RANBP17: variants seen among roughly 807,000 people sequenced by gnomAD.
RANBP17 encodes the protein RAN binding protein 17.
RANBP17 carries 158 observed loss-of-function variants against 141.2 expected under a neutral mutation model. That is an observed-to-expected ratio of 1.12 (90% confidence interval 0.98 to 1.28). The LOEUF (loss-of-function observed/expected upper bound fraction) is 1.28, where lower values mean the gene tolerates loss of function less well. RANBP17 is among the 50% of genes most tolerant of loss of function. RANBP17 has a pLI of 0.00. For synonymous variants in RANBP17, 430 were observed against 450.0 expected (o/e 0.96, Z 0.56); for missense variants, 1,438 against 1,290.7 (o/e 1.11, Z -1.75).
chr5:170,867,977 A>G (rs1417101088), intron 1 of RANBP17, among the ~76,000 whole-genome samples: 1 of 152,134 alleles, frequency 6.6e-6, no homozygotes, highest in Non-Finnish European at 1.5e-5. Flanking sequence ...GTTAAGAACC[A>G]TACAATATAC....
chr5:171,073,949 T>A (rs904828215), intron 14 of RANBP17, among the ~76,000 whole-genome samples: 2 of 152,084 alleles, frequency 1.3e-5, no homozygotes, highest in African/African-American at 4.8e-5. Flanking sequence ...ATTGATGAAT[T>A]CTTCGGAGAA....
chr5:171,194,598 C>T (rs1168180275), intron 18 of RANBP17, among the ~76,000 whole-genome samples: 1 of 152,120 alleles, frequency 6.6e-6, no homozygotes, highest in East Asian at 1.9e-4. Context: ...TTTGTTTAGC[C>T]ATTCATTAGT....
intron 14 of RANBP17, among the ~76,000 whole-genome samples, chr5:171,155,135 A>C (rs1282915304): frequency 9.6e-5 from 14 of 145,236 alleles, no homozygotes; most frequent in Admixed American, 9.6e-4. Flanking sequence ...ACACACACAC[A>C]CACACATATA....
At chr5:171,275,316 C>T (rs979905154) in intron 25 of RANBP17, among the ~76,000 whole-genome samples, 8 of 152,168 alleles carry the variant, frequency 5.3e-5, no homozygotes, top group African/African-American at 1.7e-4. Context: ...TACATAACTG[C>T]ATTTAATCAT....
chr5:171,167,729 G>A (rs776294328), intron 14 of RANBP17, among the ~76,000 whole-genome samples: 12 of 152,038 alleles, frequency 7.9e-5, no homozygotes, highest in Non-Finnish European at 1.8e-4. Context: ...GGTAAAGCAG[G>A]GCACACAGTA....
At chr5:171,215,730 G>A (rs541147396) in intron 21 of RANBP17, among the ~76,000 whole-genome samples, 5 of 151,952 alleles carry the variant, frequency 3.3e-5, no homozygotes, top group African/African-American at 9.6e-5. Context: ...TTTATATCCT[G>A]TGCCCACTTT....
At chr5:171,196,707 A>G (rs1762001348) in intron 18 of RANBP17, among the ~76,000 whole-genome samples, 1 of 152,224 alleles carries the variant, frequency 6.6e-6, no homozygotes, top group African/African-American at 2.4e-5. Context: ...TATGAAGTAA[A>G]TATTATGTCT....
At chr5:171,113,460 C>G (rs1002802400) in intron 14 of RANBP17, among the ~76,000 whole-genome samples, 2 of 152,134 alleles carry the variant, frequency 1.3e-5, no homozygotes, top group African/African-American at 4.8e-5. Flanking sequence ...ACCATTAACT[C>G]TTATAATGTA....
intron 13 of RANBP17, among the ~76,000 whole-genome samples, chr5:170,959,082 G>A (rs557314110): frequency 1.3e-5 from 2 of 152,258 alleles, no homozygotes; most frequent in Admixed American, 6.5e-5. Context: ...AGGCATAAAT[G>A]TAATCCACTA....
intron 26 of RANBP17, among the ~76,000 whole-genome samples, chr5:171,295,586 G>C (rs1364415526): frequency 6.6e-6 from 1 of 152,138 alleles, no homozygotes; most frequent in Admixed American, 6.5e-5. Context: ...AGAGATGAGA[G>C]TCAGGAAAAG....
At chr5:171,188,006 T>A (rs1761385827) in intron 18 of RANBP17, among the ~76,000 whole-genome samples, 1 of 152,214 alleles carries the variant, frequency 6.6e-6, no homozygotes, top group African/African-American at 2.4e-5. Context: ...AATTTTTAAA[T>A]GGAAAGGGGA....
At chr5:171,047,647 G>A (rs1273877861) in intron 14 of RANBP17, among the ~76,000 whole-genome samples, 2 of 151,316 alleles carry the variant, frequency 1.3e-5, no homozygotes, top group Non-Finnish European at 1.5e-5. Flanking sequence ...ACCATGTTGG[G>A]CAGGCTGGTC....
chr5:171,214,279 A>T (rs1763083507), intron 21 of RANBP17, among the ~76,000 whole-genome samples: 1 of 152,182 alleles, frequency 6.6e-6, no homozygotes, highest in African/African-American at 2.4e-5. Context: ...CACAGTTTTC[A>T]TTGAGAGAGC....
rs998650515 is a variant in RANBP17, at chr5:171,054,057, G to A, written c.1710+85680G>A. Among the ~76,000 whole-genome samples, 35 of 151,342 alleles carry A rather than the reference G, an allele frequency of 2.3e-4. 1 individual carries two copies. Among genetic ancestry groups the A allele is most frequent in the African/African-American group, 8.5e-4 (35 of 41,234 alleles). On this transcript the variant is annotated intron_variant, in intron 14 of 27. Coordinates refer to ENST00000523189, the MANE Select transcript of RANBP17 (RefSeq NM_022897.5). Reference sequence around the variant, plus strand: ...ATCTATGTATTCTGATATTTGAATAGCCATTCTAGCTATCTTTTAGTTACT... The same window carrying A: ...ATCTATGTATTCTGATATTTGAATAACCATTCTAGCTATCTTTTAGTTACT...
intron 14 of RANBP17, among the ~76,000 whole-genome samples, chr5:171,111,393 GA>G (rs929210564): frequency 2.6e-5 from 4 of 152,030 alleles, no homozygotes; most frequent in Non-Finnish European, 5.9e-5. Flanking sequence ...ATGTTCTTTT[GA>G]AAACCTTTGC....
chr5:171,287,887 A>G (rs955236699), intron 25 of RANBP17, among the ~76,000 whole-genome samples: 2 of 152,022 alleles, frequency 1.3e-5, no homozygotes, highest in Admixed American at 1.3e-4. Context: ...TATGGTACCA[A>G]TGGGGAGCAG....
At chr5:171,109,149 T>C (rs1030146693) in intron 14 of RANBP17, among the ~76,000 whole-genome samples, 5 of 152,230 alleles carry the variant, frequency 3.3e-5, no homozygotes, top group African/African-American at 1.2e-4. Context: ...TACAAATTTT[T>C]AAAATATGGA....
At position 171,046,496 on chromosome 5, in the gene RANBP17, C is replaced by T. The variant is rs142347696; in HGVS notation, c.1710+78119C>T. Among the ~76,000 whole-genome samples, 818 of 152,066 alleles carry T rather than the reference C, an allele frequency of 5.4e-3. 12 individuals carry two copies. The highest frequency in any genetic ancestry group is 0.019 in the African/African-American group (791 of 41,482). On this transcript the variant is annotated intron_variant, in intron 14 of 27. Transcript: ENST00000523189. ...GTGCTGGGATTACAGGATGAGCCAC[C>T]GTGCCCGGCCAGTTCTGCCTTTTTA...
intron 14 of RANBP17, among the ~76,000 whole-genome samples, chr5:171,115,896 G>C (rs941533851): frequency 6.6e-6 from 1 of 152,212 alleles, no homozygotes; most frequent in African/African-American, 2.4e-5. Context: ...CATCTTTTGA[G>C]ATGCACAGTG....
Sources: gnomAD v4.1 joint callset for allele counts (sites outside exome capture counted in the v4.1 genomes callset) on GRCh38, gnomAD v4.1.1 for gene constraint, MANE v1.5 for transcripts, NCBI Gene and HGNC (gene_info 2026-07-23, HGNC 2026-07-21) for gene names.